Variants in KRT8 observed in about 807,000 individuals in gnomAD.
The protein encoded by KRT8 is keratin 8.
KRT8 carries 24 observed loss-of-function variants against 43.0 expected under a neutral mutation model. The ratio of observed to expected loss-of-function variants is 0.56; its 90% CI spans 0.40 to 0.78. KRT8 has a LOEUF of 0.78. Among genes scored for constraint, KRT8 ranks in the 30% least tolerant of loss-of-function variants. The probability of loss-of-function intolerance (pLI) is 0.00; values close to 1 mark genes in which losing one functional copy is unlikely to be tolerated. For missense variants in KRT8, 492 were observed against 638.4 expected (o/e 0.77, Z 2.47); for synonymous variants, 214 against 261.2 (o/e 0.82, Z 1.74).
chr12:52,923,483 A>T (rs990200797), intron 2 of KRT8, among the ~76,000 whole-genome samples: 7 of 152,206 alleles, frequency 4.6e-5, no homozygotes, highest in African/African-American at 1.7e-4. Flanking sequence ...ACAGTGGCTT[A>T]ATCTCAGCTC....
upstream of KRT8, among the ~76,000 whole-genome samples, chr12:52,908,176 G>A (rs1002636096): frequency 6.6e-6 from 1 of 152,168 alleles, no homozygotes. Context: ...GGGGTGGGGA[G>A]GTAGCTGTTA....
At chr12:52,899,087 G>A in intron 5 of KRT8, 188 bp from the exon 6 acceptor site, 1 of 620,498 alleles carries the variant, frequency 1.6e-6, no homozygotes, top group East Asian at 2.9e-5. Flanking sequence ...GGCCGAGGCG[G>A]GCAGATCACA....
chr12:52,897,549 C>G, exon 8 of KRT8: 2 of 1,597,898 alleles, frequency 1.3e-6, no homozygotes, highest in Non-Finnish European at 1.7e-6. Flanking sequence ...CGCGCCAGAG[C>G]CAAAGCTGGA....
intron 1 of KRT8, chr12:52,949,657 C>G: frequency 1.4e-6 from 2 of 1,414,830 alleles, no homozygotes; most frequent in Non-Finnish European, 2.0e-6. Context: ...TCCTTTGCCT[C>G]TTTCCGTCAT....
At chr12:52,940,289 C>T (rs931847873) in intron 2 of KRT8, among the ~76,000 whole-genome samples, 3 of 151,786 alleles carry the variant, frequency 2.0e-5, no homozygotes, top group African/African-American at 4.8e-5. Context: ...AAAAATTAGC[C>T]GGACGTGGTA....
At chr12:52,913,162 A>G (rs1941668267) in intron 2 of KRT8, among the ~76,000 whole-genome samples, 1 of 152,178 alleles carries the variant, frequency 6.6e-6, no homozygotes, top group Non-Finnish European at 1.5e-5. Flanking sequence ...GCCCATGGAG[A>G]GCAGAGTCAG....
intron 2 of KRT8, among the ~76,000 whole-genome samples, chr12:52,930,628 A>G (rs1942068040): frequency 6.6e-6 from 1 of 151,544 alleles, no homozygotes; most frequent in Admixed American, 6.6e-5. Context: ...TGGCACAATC[A>G]CAGCTCATTG....
chr12:52,923,409 ATTGTT>A (rs573304296), intron 2 of KRT8, among the ~76,000 whole-genome samples: 2 of 151,896 alleles, frequency 1.3e-5, no homozygotes, highest in African/African-American at 2.4e-5. Flanking sequence ...TTATTCCTAA[ATTGTT>A]TTGTTTTGTT....
chr12:52,934,559 A>C (rs977233690), intron 2 of KRT8, among the ~76,000 whole-genome samples: 6 of 152,144 alleles, frequency 3.9e-5, no homozygotes, highest in African/African-American at 1.4e-4. Flanking sequence ...ATTCTGTCTC[A>C]AAAATAATAA....
chr12:52,936,168 C>T (rs988122423), intron 2 of KRT8, among the ~76,000 whole-genome samples: 29 of 152,104 alleles, frequency 1.9e-4, no homozygotes, highest in Non-Finnish European at 4.0e-4. Flanking sequence ...AGGAGAATGG[C>T]TTGAACCTGG....
chr12:52,945,085 C>T (rs894895860), intron 2 of KRT8, among the ~76,000 whole-genome samples: 5 of 152,194 alleles, frequency 3.3e-5, no homozygotes, highest in Non-Finnish European at 7.3e-5. Flanking sequence ...CGGAGCTCCA[C>T]CTATGTGCCA....
At chr12:52,922,015 C>CA (rs984105169) in intron 2 of KRT8, among the ~76,000 whole-genome samples, 3 of 151,226 alleles carry the variant, frequency 2.0e-5, no homozygotes, top group South Asian at 2.1e-4. Flanking sequence ...CTCTCCCCCA[C>CA]AAAAAAATTG....
upstream of KRT8, among the ~76,000 whole-genome samples, chr12:52,911,316 C>T (rs565106625): frequency 4.6e-5 from 7 of 151,946 alleles, no homozygotes; most frequent in East Asian, 1.4e-3. Context: ...TGCACCATTG[C>T]ACTCCAGCCT....
At chr12:52,949,695 C>A (rs1217056095) in intron 1 of KRT8, 5 of 1,045,070 alleles carry the variant, frequency 4.8e-6, no homozygotes, top group Middle Eastern at 2.0e-4. Context: ...CCTACTCCAC[C>A]GGGAGGGGGT....
chr12:52,902,011 T>G, exon 2 of KRT8: 1 of 1,603,596 alleles, frequency 6.2e-7, no homozygotes, highest in Non-Finnish European at 8.5e-7. Flanking sequence ...AGCCGTCTTC[T>G]GCTGCTGCAG....
intron 2 of KRT8, among the ~76,000 whole-genome samples, chr12:52,930,320 C>T (rs1475564361): frequency 6.6e-6 from 1 of 151,908 alleles, no homozygotes; most frequent in African/African-American, 2.4e-5. Context: ...CAGGTTCAAG[C>T]GATTCTGCTG....
intron 2 of KRT8, chr12:52,949,263 C>T (rs1333085811): frequency 1.2e-6 from 2 of 1,611,056 alleles, no homozygotes; most frequent in Non-Finnish European, 1.7e-6. Flanking sequence ...GGCCGGTCAG[C>T]AGCGCGGCCA....
intron 2 of KRT8, among the ~76,000 whole-genome samples, chr12:52,946,312 G>A (rs574588339): frequency 3.3e-5 from 5 of 152,240 alleles, no homozygotes; most frequent in Admixed American, 1.3e-4. Flanking sequence ...CCTTGAGCCC[G>A]TCTTTCGAAT....
At chr12:52,907,667 C>T (rs552194832), upstream of KRT8, among the ~76,000 whole-genome samples, 4 of 152,268 alleles carry the variant, frequency 2.6e-5, no homozygotes, top group South Asian at 6.2e-4. Flanking sequence ...TCTGGGGCAG[C>T]CCAGAACCGT....
Sources: allele counts gnomAD v4.1 joint callset (sites outside exome capture counted in the v4.1 genomes callset), GRCh38; gene constraint gnomAD v4.1.1; transcripts MANE v1.5; gene names NCBI Gene and HGNC (gene_info 2026-07-23, HGNC 2026-07-21).